The following ST8SIA6 variants were observed in gnomAD, a reference collection of about 807,000 sequenced individuals.
ST8SIA6 encodes the protein ST8 alpha-N-acetyl-neuraminide alpha-2,8-sialyltransferase 6.
ST8SIA6 carries 39 observed loss-of-function variants against 33.6 expected under a neutral mutation model. The ratio of observed to expected loss-of-function variants is 1.16; its 90% confidence interval spans 0.90 to 1.52. The LOEUF (loss-of-function observed/expected upper bound fraction) is 1.52. ST8SIA6 is among the 40% of genes most tolerant of loss of function. The pLI, the probability that ST8SIA6 is intolerant of heterozygous loss-of-function variation, is 0.00. For synonymous variants in ST8SIA6, 172 were observed against 167.2 expected, an observed-to-expected ratio of 1.03 and a Z score of -0.22; for missense variants, 441 against 443.8, an observed-to-expected ratio of 0.99 and a Z score of 0.06.
intron 3 of ST8SIA6, among the ~76,000 whole-genome samples, chr10:17,366,841 G>A (rs1849575506): frequency 6.6e-6 from 1 of 152,024 alleles, no homozygotes; most frequent in Non-Finnish European, 1.5e-5. Flanking sequence ...CCATTCTCCT[G>A]CCAATGACTC....
intron 4 of ST8SIA6, among the ~76,000 whole-genome samples, chr10:17,353,706 C>G (rs573162766): frequency 1.3e-5 from 2 of 152,148 alleles, no homozygotes; most frequent in Non-Finnish European, 2.9e-5. Context: ...ACCTGTTTTA[C>G]AAGTCATTTG....
At chr10:17,384,477 T>A (rs1437364625) in intron 3 of ST8SIA6, among the ~76,000 whole-genome samples, 2 of 152,226 alleles carry the variant, frequency 1.3e-5, no homozygotes, top group Non-Finnish European at 2.9e-5. Context: ...TTGTCTTTAA[T>A]AACATGGGAA....
At chr10:17,393,431 G>C (rs359316) in intron 2 of ST8SIA6, among the ~76,000 whole-genome samples, 53,389 of 152,088 alleles carry the variant, frequency 0.35, 10,431 homozygotes, top group East Asian at 0.6. Context: ...ATTTCAATAA[G>C]CTGCTTCTAT....
At chr10:17,321,453 G>A in intron 7 of ST8SIA6, 107 bp from the exon 8 acceptor site, 1 of 850,460 alleles carries the variant, frequency 1.2e-6, no homozygotes, top group Non-Finnish European at 1.8e-6. Context: ...TGAACGATTT[G>A]TATACTGTAT....
At chr10:17,382,821 T>G (rs565306391) in intron 3 of ST8SIA6, among the ~76,000 whole-genome samples, 2 of 152,350 alleles carry the variant, frequency 1.3e-5, no homozygotes, top group African/African-American at 4.8e-5. Flanking sequence ...AGGGCCGATT[T>G]TGAAAGTTAA....
chr10:17,353,818 T>C (rs1039884516), intron 4 of ST8SIA6, among the ~76,000 whole-genome samples: 1 of 152,190 alleles, frequency 6.6e-6, no homozygotes, highest in African/African-American at 2.4e-5. Context: ...TAATATTCAG[T>C]CATCTTGGAT....
chr10:17,336,757 C>G (rs1421592927), intron 4 of ST8SIA6, among the ~76,000 whole-genome samples: 5 of 151,838 alleles, frequency 3.3e-5, no homozygotes, highest in Non-Finnish European at 7.4e-5. Context: ...CTACACCCAA[C>G]TAATTTTTAT....
intron 2 of ST8SIA6, among the ~76,000 whole-genome samples, chr10:17,434,487 G>C (rs1184333316): frequency 6.6e-6 from 1 of 152,192 alleles, no homozygotes; most frequent in African/African-American, 2.4e-5. Context: ...TGTGTGCTAA[G>C]AGTCAGTACT....
chr10:17,386,755 G>A (rs543639441), intron 3 of ST8SIA6, among the ~76,000 whole-genome samples: 2 of 152,278 alleles, frequency 1.3e-5, no homozygotes, highest in Admixed American at 1.3e-4. Context: ...AGCCCCAAAT[G>A]AGGACGGGCA....
chr10:17,345,870 G>C (rs1412572566), intron 4 of ST8SIA6, among the ~76,000 whole-genome samples: 1 of 152,174 alleles, frequency 6.6e-6, no homozygotes, highest in Non-Finnish European at 1.5e-5. Flanking sequence ...CAGTGTTGCA[G>C]TGGCCACCAT....
intron 2 of ST8SIA6, among the ~76,000 whole-genome samples, chr10:17,435,998 A>C (rs756195274): frequency 1.2e-4 from 18 of 152,178 alleles, no homozygotes; most frequent in Admixed American, 2.6e-4. Flanking sequence ...ACCTGTTTCA[A>C]AAATTATCCA....
chr10:17,327,236 C>T (rs45604243), intron 5 of ST8SIA6, 110 bp from the exon 6 acceptor site: 8 of 767,862 alleles, frequency 1.0e-5, no homozygotes, highest in African/African-American at 3.7e-5. Flanking sequence ...GAGAAGAATA[C>T]GAACAAGAAA....
At chr10:17,446,204 C>A (rs905483421) in intron 2 of ST8SIA6, among the ~76,000 whole-genome samples, 1 of 152,096 alleles carries the variant, frequency 6.6e-6, no homozygotes, top group African/African-American at 2.4e-5. Context: ...GGACTCCTCA[C>A]TTGAGGACAT....
intron 3 of ST8SIA6, among the ~76,000 whole-genome samples, chr10:17,379,060 T>A (rs1288477200): frequency 1.3e-5 from 2 of 149,604 alleles, no homozygotes; most frequent in Non-Finnish European, 3.0e-5. Context: ...CGGGAGGCAG[T>A]GGTTGCAGTG....
chr10:17,427,811 G>A (rs1851984932), intron 2 of ST8SIA6, among the ~76,000 whole-genome samples: 1 of 152,248 alleles, frequency 6.6e-6, no homozygotes, highest in East Asian at 1.9e-4. Flanking sequence ...CTGTTGATAA[G>A]GCGATGCCTT....
intron 2 of ST8SIA6, among the ~76,000 whole-genome samples, chr10:17,450,124 T>C (rs1237559449): frequency 1.3e-5 from 2 of 152,118 alleles, no homozygotes; most frequent in Admixed American, 6.5e-5. Context: ...AGTAGCATCA[T>C]AGCAAATGTC....
At chr10:17,384,013 A>G (rs556721135) in intron 3 of ST8SIA6, among the ~76,000 whole-genome samples, 1 of 152,348 alleles carries the variant, frequency 6.6e-6, no homozygotes, top group African/African-American at 2.4e-5. Context: ...GCGTAAGTGC[A>G]ATAGGAATCT....
chr10:17,452,221 T>A (rs1852938578), intron 2 of ST8SIA6, among the ~76,000 whole-genome samples: 1 of 152,198 alleles, frequency 6.6e-6, no homozygotes, highest in East Asian at 1.9e-4. Context: ...GTGCCTCTAA[T>A]ATGCTGTGAA....
intron 5 of ST8SIA6, among the ~76,000 whole-genome samples, chr10:17,327,697 A>C (rs1275517440): frequency 2.0e-5 from 3 of 152,170 alleles, no homozygotes; most frequent in African/African-American, 7.2e-5. Context: ...ACTTGAGGCC[A>C]AGAGTTTAAG....
Sources: allele counts gnomAD v4.1 joint callset (sites outside exome capture counted in the v4.1 genomes callset), GRCh38; gene constraint gnomAD v4.1.1; transcripts MANE v1.5; gene names NCBI Gene and HGNC (gene_info 2026-07-23, HGNC 2026-07-21).